IKBKB-DT: variants seen among roughly 807,000 people sequenced by gnomAD.
The protein encoded by IKBKB-DT is IKBKB antisense RNA.
chr8:42,234,756 A>G lies in IKBKB-DT; in HGVS notation n.1530-897T>C, dbSNP rs1339478087. Among the ~76,000 whole-genome samples, 3 of 152,042 alleles carry G rather than the reference A, an allele frequency of 2.0e-5. No individual in the cohort carries two copies. The East Asian group carries it at 5.8e-4, about 29-fold the overall frequency. On this transcript the variant is annotated intron_variant and non_coding_transcript_variant, in intron 3 of 3. Transcript: ENST00000518213. The stretch of plus-strand genomic sequence containing the variant: ...GCAATTTTCGTGCCTCAGCCTCCCA[A>G]GTACCTGAGATTACAGGTGTCCACC...
intron 3 of IKBKB-DT, among the ~76,000 whole-genome samples, chr8:42,262,717 G>A (rs922035022): frequency 2.0e-5 from 3 of 151,882 alleles, no homozygotes; most frequent in African/African-American, 4.8e-5. Context: ...GGGATTACAG[G>A]CATGAGCCAC....
chr8:42,236,953 C>A (rs972932667), intron 3 of IKBKB-DT, among the ~76,000 whole-genome samples: 5 of 151,970 alleles, frequency 3.3e-5, no homozygotes, highest in African/African-American at 1.2e-4. Context: ...CTCTTGAGTT[C>A]AAGTAATCCT....
At chr8:42,270,207 T>A (rs1041679377) in intron 1 of IKBKB-DT, 2 of 152,160 alleles carry the variant, frequency 1.3e-5, no homozygotes, top group African/African-American at 4.8e-5. Flanking sequence ...ATAATAATAA[T>A]GCAGACCAGG....
intron 3 of IKBKB-DT, among the ~76,000 whole-genome samples, chr8:42,255,940 C>T (rs989982895): frequency 6.6e-6 from 1 of 150,550 alleles, no homozygotes; most frequent in Non-Finnish European, 1.5e-5. Flanking sequence ...GCAGGAGAAT[C>T]GCTTGAACCC....
intron 3 of IKBKB-DT, among the ~76,000 whole-genome samples, chr8:42,236,176 T>C (rs1027066771): frequency 6.6e-6 from 1 of 151,876 alleles, no homozygotes; most frequent in Non-Finnish European, 1.5e-5. Flanking sequence ...TTTTTTTTTT[T>C]AATATTTAGA....
At chr8:42,242,111 A>T (rs1807012276) in intron 3 of IKBKB-DT, among the ~76,000 whole-genome samples, 1 of 152,162 alleles carries the variant, frequency 6.6e-6, no homozygotes, top group African/African-American at 2.4e-5. Context: ...GCTACTCAGG[A>T]GGCTGAGGCA....
intron 3 of IKBKB-DT, among the ~76,000 whole-genome samples, chr8:42,248,883 A>C (rs1041566399): frequency 1.3e-5 from 2 of 152,024 alleles, no homozygotes; most frequent in African/African-American, 4.8e-5. Flanking sequence ...AAAAAAAAAA[A>C]AAACAAATAT....
At chr8:42,237,548 T>C (rs992135118) in intron 3 of IKBKB-DT, among the ~76,000 whole-genome samples, 2 of 152,192 alleles carry the variant, frequency 1.3e-5, no homozygotes, top group African/African-American at 4.8e-5. Context: ...AGGGGGGCCC[T>C]TTCAGTTGAT....
chr8:42,239,354 G>A (rs1585459360), intron 3 of IKBKB-DT, among the ~76,000 whole-genome samples: 2 of 151,526 alleles, frequency 1.3e-5, no homozygotes, highest in African/African-American at 2.4e-5. Flanking sequence ...CGCCCTCTGG[G>A]CCACTGCGTC....
intron 3 of IKBKB-DT, among the ~76,000 whole-genome samples, chr8:42,260,894 T>A (rs1807277951): frequency 6.6e-6 from 1 of 152,148 alleles, no homozygotes. Context: ...AGAAATGAGA[T>A]GCCTCTCCAA....
exon 3 of IKBKB-DT, chr8:42,263,365 A>C (rs892249556): frequency 6.6e-6 from 1 of 152,130 alleles, no homozygotes; most frequent in African/African-American, 2.4e-5. Context: ...AGGGATCCCA[A>C]TTGTAGAGCA....
At chr8:42,234,987 T>C (rs1482472876) in intron 3 of IKBKB-DT, among the ~76,000 whole-genome samples, 3 of 152,134 alleles carry the variant, frequency 2.0e-5, no homozygotes, top group Admixed American at 1.3e-4. Flanking sequence ...ATAAAACTAA[T>C]GAAAGGCCAC....
At chr8:42,234,679 G>GTGCACTGCACCACC (rs1372778965) in intron 3 of IKBKB-DT, among the ~76,000 whole-genome samples, 1 of 151,632 alleles carries the variant, frequency 6.6e-6, no homozygotes, top group African/African-American at 2.4e-5. Flanking sequence ...ACCCAGGCTG[G>GTGCACTGCACCACC]AGTGCAGTGG....
intron 2 of IKBKB-DT, among the ~76,000 whole-genome samples, chr8:42,264,854 G>A (rs1013414928): frequency 6.2e-5 from 9 of 144,500 alleles, no homozygotes; most frequent in African/African-American, 2.3e-4. Context: ...CCACCATGCC[G>A]GGCCTTAAAC....
chr8:42,256,444 C>T (rs891791114), intron 3 of IKBKB-DT, among the ~76,000 whole-genome samples: 1 of 150,950 alleles, frequency 6.6e-6, no homozygotes, highest in African/African-American at 2.4e-5. Flanking sequence ...TGGTGGCATG[C>T]GCCTGTAATC....
chr8:42,262,320 TA>T (rs928566817), intron 3 of IKBKB-DT, among the ~76,000 whole-genome samples: 67 of 144,418 alleles, frequency 4.6e-4, no homozygotes, highest in Non-Finnish European at 3.7e-4. Context: ...CCACTTTATT[TA>T]AAAAAAAAAA....
In IKBKB-DT at chr8:42,240,223, G is replaced by GTTT. The variant is rs61546766; in HGVS notation, n.1530-6367_1530-6365dup. 3.0e-3 allele frequency among the ~76,000 whole-genome samples: 426 copies of GTTT among 140,296 alleles called. 2 individuals carry two copies. Among genetic ancestry groups the GTTT allele is most frequent in the South Asian group, 4.6e-3 (20 of 4,302 alleles). 92.0% of individuals were successfully genotyped at this position (140,296 alleles called of 152,430 possible). ...GATGGCAATTTGTTAGCCAAATGCT[G>GTTT]TTTTTTTTTTTTTTGAGGAATCACT... On this transcript the variant is annotated intron_variant and non_coding_transcript_variant, in intron 3 of 3. Transcript: ENST00000518213.
At chr8:42,233,728 C>G (rs1218248427) in exon 4 of IKBKB-DT, 2 of 152,138 alleles carry the variant, frequency 1.3e-5, no homozygotes, top group East Asian at 1.9e-4. Context: ...TCCCAGCAGT[C>G]GGGAGCAGAG....
chr8:42,240,762 G>T (rs368104027), intron 3 of IKBKB-DT, among the ~76,000 whole-genome samples: 380 of 151,970 alleles, frequency 2.5e-3, no homozygotes, highest in African/African-American at 8.7e-3. Flanking sequence ...GGATCACAAG[G>T]TCAGGAGTTC....
Sources: gnomAD v4.1 joint callset for allele counts (sites outside exome capture counted in the v4.1 genomes callset) on GRCh38, gnomAD v4.1.1 for gene constraint, MANE v1.5 for transcripts, NCBI Gene and HGNC (gene_info 2026-07-23, HGNC 2026-07-21) for gene names.